The following BLTP1 variants were observed in gnomAD, a reference collection of about 807,000 sequenced individuals.
BLTP1 encodes fragile site-associated protein.
chr4:122,156,833 C>A, the BLTP1 span, among the ~76,000 whole-genome samples: 15 of 152,072 alleles, frequency 9.9e-5, no homozygotes, highest in Non-Finnish European at 2.2e-4. Context: ...GGATATAATA[C>A]AAGGGCTCAG....
At chr4:122,238,219 A>G in the BLTP1 span, 1 of 1,614,002 alleles carries the variant, frequency 6.2e-7, no homozygotes, top group Non-Finnish European at 8.5e-7. Context: ...CTTCCTCAGA[A>G]GAGAACAGTA....
chr4:122,312,874 T>C, the BLTP1 span: 2 of 845,482 alleles, frequency 2.4e-6, no homozygotes, highest in Non-Finnish European at 2.8e-6. Context: ...ATTAAAGATA[T>C]ATGTACTCTG....
the BLTP1 span, chr4:122,341,696 C>A: frequency 6.1e-6 from 6 of 984,628 alleles, no homozygotes; most frequent in Non-Finnish European, 7.2e-6. Context: ...AATATCCATT[C>A]TTTCAAAGGA....
chr4:122,280,441 C>A, the BLTP1 span, among the ~76,000 whole-genome samples: 6 of 152,104 alleles, frequency 3.9e-5, no homozygotes, highest in Non-Finnish European at 7.4e-5. Flanking sequence ...AACCTTTATT[C>A]CCTATGTCTG....
chr4:122,170,841 C>T, the BLTP1 span: 1 of 662,714 alleles, frequency 1.5e-6, no homozygotes, highest in Non-Finnish European at 2.5e-6. Flanking sequence ...GGAACACTAA[C>T]ACTACCATTT....
At chr4:122,275,898 G>C in the BLTP1 span, 2 of 1,403,340 alleles carry the variant, frequency 1.4e-6, no homozygotes, top group Non-Finnish European at 1.9e-6. Flanking sequence ...TGGTCATATT[G>C]TAACTAATTT....
At chr4:122,212,878 G>A in the BLTP1 span, among the ~76,000 whole-genome samples, 3 of 149,170 alleles carry the variant, frequency 2.0e-5, no homozygotes, top group Admixed American at 2.1e-4. Flanking sequence ...CTTAGAAGTT[G>A]TATAAAATGT....
the BLTP1 span, among the ~76,000 whole-genome samples, chr4:122,300,350 C>A: frequency 1.3e-5 from 2 of 152,130 alleles, no homozygotes; most frequent in African/African-American, 4.8e-5. Flanking sequence ...AACCAATCCA[C>A]AAATCCTTAA....
chr4:122,306,833 C>T, the BLTP1 span: 1 of 266,596 alleles, frequency 3.8e-6, no homozygotes, highest in Non-Finnish European at 5.8e-6. Flanking sequence ...TAATGAGGAG[C>T]CATTTAAGAA....
the BLTP1 span, chr4:122,258,876 C>T: frequency 7.3e-7 from 1 of 1,378,354 alleles, no homozygotes; most frequent in African/African-American, 1.5e-5. Flanking sequence ...TAGAGTTATC[C>T]AGACTTACAG....
the BLTP1 span, chr4:122,287,727 T>G: frequency 1.0e-6 from 1 of 984,494 alleles, no homozygotes; most frequent in Non-Finnish European, 1.2e-6. Flanking sequence ...TAGGTCCTGC[T>G]TGCCCTGGAA....
the BLTP1 span, chr4:122,353,972 A>C: frequency 3.1e-6 from 5 of 1,613,620 alleles, no homozygotes; most frequent in South Asian, 5.5e-5. This position sits in a 1 kb window ranked among gnomAD's most constrained non-coding sequence, Gnocchi z 4.3. Flanking sequence ...TGGAGTAGCA[A>C]GTGTGAAAGA....
At chr4:122,253,679 T>G in the BLTP1 span, among the ~76,000 whole-genome samples, 1 of 152,108 alleles carries the variant, frequency 6.6e-6, no homozygotes, top group Non-Finnish European at 1.5e-5. Context: ...AGGGCAAATC[T>G]AATAGTTACT....
chr4:122,339,967 G>C, the BLTP1 span, among the ~76,000 whole-genome samples: 1 of 152,082 alleles, frequency 6.6e-6, no homozygotes. Context: ...TCCTCACTAT[G>C]TTAAAGCTGG....
At chr4:122,216,916 T>C in the BLTP1 span, among the ~76,000 whole-genome samples, 7 of 152,180 alleles carry the variant, frequency 4.6e-5, no homozygotes, top group Non-Finnish European at 1.0e-4. Context: ...AAGTCTTTGA[T>C]CTATCTTGAG....
At chr4:122,330,597 T>G in the BLTP1 span, among the ~76,000 whole-genome samples, 1 of 151,966 alleles carries the variant, frequency 6.6e-6, no homozygotes, top group East Asian at 1.9e-4. Flanking sequence ...TAGGATTTTG[T>G]TACATACTTT....
the BLTP1 span, chr4:122,192,391 T>C: frequency 6.5e-7 from 1 of 1,544,744 alleles, no homozygotes. Context: ...TACTTGAGTA[T>C]GTTATATTTC....
At chr4:122,296,215 G>A in the BLTP1 span, among the ~76,000 whole-genome samples, 1 of 152,148 alleles carries the variant, frequency 6.6e-6, no homozygotes, top group South Asian at 2.1e-4. Context: ...AAGCTGATAA[G>A]CAACTTCAGC....
the BLTP1 span, chr4:122,220,941 G>A: frequency 4.1e-6 from 1 of 241,012 alleles, no homozygotes; most frequent in Non-Finnish European, 6.7e-6. Context: ...TCTTTTAAAA[G>A]AGAACCAATG....
Sources: gnomAD v4.1 joint callset for allele counts (sites outside exome capture counted in the v4.1 genomes callset) on GRCh38, gnomAD v4.1.1 for gene constraint, Gnocchi (gnomAD v3.1) non-coding constraint, MANE v1.5 for transcripts, NCBI Gene and HGNC (gene_info 2026-07-23, HGNC 2026-07-21) for gene names.